Variants in RBFOX1 observed in about 807,000 individuals in gnomAD.
RBFOX1 encodes RNA binding protein fox-1 homolog 1.
RBFOX1 carries 8 observed loss-of-function variants against 57.7 expected under a neutral mutation model. That is an observed-to-expected ratio of 0.14 (90% CI 0.08 to 0.25). The LOEUF is 0.25. Ranked by LOEUF, RBFOX1 falls within the 10% of genes least tolerant of loss-of-function variation. The pLI is 1.00. For missense variants in RBFOX1, 611 were observed against 548.5 expected (o/e 1.11, Z -1.14); for synonymous variants, 326 against 222.4 (o/e 1.47, Z -4.15).
intron 3 of RBFOX1, among the ~76,000 whole-genome samples, chr16:6,916,730 G>A (rs571110749): frequency 6.6e-6 from 1 of 152,072 alleles, no homozygotes; most frequent in Non-Finnish European, 1.5e-5. Flanking sequence ...TCTTGCATAA[G>A]CTCGGATTAC....
At chr16:6,205,906 A>G (rs2097252508) in intron 1 of RBFOX1, among the ~76,000 whole-genome samples, 3 of 125,428 alleles carry the variant, frequency 2.4e-5, no homozygotes, top group African/African-American at 9.1e-5. Flanking sequence ...CGTACCTGGA[A>G]AACAGATGAT....
chr16:5,785,203 G>A (rs1403328449), intron 3 of RBFOX1, among the ~76,000 whole-genome samples: 4 of 152,174 alleles, frequency 2.6e-5, no homozygotes, highest in African/African-American at 9.7e-5. Context: ...TCTTTCCCCT[G>A]TTCTCTTCTC....
At chr16:5,688,190 A>G (rs2050561971) in intron 3 of RBFOX1, among the ~76,000 whole-genome samples, 1 of 152,244 alleles carries the variant, frequency 6.6e-6, no homozygotes, top group Non-Finnish European at 1.5e-5. Flanking sequence ...GGCTAAATTT[A>G]GATTACACCT....
chr16:7,541,427 C>T (rs546399421), intron 5 of RBFOX1, among the ~76,000 whole-genome samples: 6 of 152,100 alleles, frequency 3.9e-5, no homozygotes, highest in South Asian at 2.1e-4. Context: ...ACATCTTCTG[C>T]GTCAAAGGAT....
chr16:6,367,674 C>T (rs889726589), intron 2 of RBFOX1, among the ~76,000 whole-genome samples: 20 of 150,724 alleles, frequency 1.3e-4, no homozygotes, highest in Non-Finnish European at 1.5e-4. Flanking sequence ...GGGTGTTTTG[C>T]TTTCATAGGA....
intron 2 of RBFOX1, among the ~76,000 whole-genome samples, chr16:6,507,851 A>G (rs2096146135): frequency 6.6e-6 from 1 of 152,072 alleles, no homozygotes; most frequent in Non-Finnish European, 1.5e-5. Context: ...GTTTTGTTTT[A>G]ATGGGTAGAG....
intron 3 of RBFOX1, among the ~76,000 whole-genome samples, chr16:7,046,611 T>TG (rs1456082885): frequency 6.9e-6 from 1 of 144,304 alleles, no homozygotes; most frequent in Admixed American, 6.9e-5. Context: ...ATCTTTTTTT[T>TG]TTTTTTTTTT....
At chr16:6,042,817 G>A (rs1408943371) in intron 1 of RBFOX1, among the ~76,000 whole-genome samples, 1 of 152,096 alleles carries the variant, frequency 6.6e-6, no homozygotes, top group Non-Finnish European at 1.5e-5. Context: ...TTGAAATGGG[G>A]GTAAGTAGCC....
At chr16:6,482,579 C>T (rs2095388486) in intron 2 of RBFOX1, among the ~76,000 whole-genome samples, 1 of 152,206 alleles carries the variant, frequency 6.6e-6, no homozygotes, top group South Asian at 2.1e-4. Context: ...TAAATTTCAA[C>T]AGAGACGACA....
At chr16:6,609,008 A>G (rs73540152) in intron 2 of RBFOX1, among the ~76,000 whole-genome samples, 121 of 152,076 alleles carry the variant, frequency 8.0e-4, no homozygotes, top group African/African-American at 2.9e-3. Context: ...CCATCAGGTC[A>G]CTCTGACCTG....
chr16:7,029,510 T>G (rs1041842856), intron 3 of RBFOX1, among the ~76,000 whole-genome samples: 1 of 151,854 alleles, frequency 6.6e-6, no homozygotes. Flanking sequence ...TGAAGCAGAA[T>G]GAAGAGAGTG....
intron 13 of RBFOX1, among the ~76,000 whole-genome samples, chr16:7,674,032 C>T (rs970081541): frequency 1.3e-5 from 2 of 152,124 alleles, no homozygotes; most frequent in African/African-American, 4.8e-5. Context: ...AAAATTGATT[C>T]AAGTCACCTG....
At chr16:5,420,211 A>C (rs941134756) in intron 1 of RBFOX1, among the ~76,000 whole-genome samples, 3 of 152,222 alleles carry the variant, frequency 2.0e-5, no homozygotes, top group Non-Finnish European at 4.4e-5. Flanking sequence ...AATGAAGTAG[A>C]TTTAAACAAA....
chr16:7,010,838 A>C (rs920150121), intron 3 of RBFOX1, among the ~76,000 whole-genome samples: 8 of 152,104 alleles, frequency 5.3e-5, no homozygotes, highest in African/African-American at 1.9e-4. Context: ...CCGCCTCCCA[A>C]AGTGCTGGGA....
In RBFOX1 at chr16:5,591,389, C is replaced by G. The variant is rs533523164; in HGVS notation, c.259-7513C>G. On this transcript the variant is annotated intron_variant, in intron 2 of 2. Coordinates refer to the RBFOX1 transcript ENST00000585867. ...GCCTCAGCCTCCCTAGTAGCTGGGA[C>G]TACAGGCACCCACCACTGTGCTCGG... is the stretch of plus-strand genomic sequence containing the variant. 2.3e-3 allele frequency among the ~76,000 whole-genome samples: 356 copies of G among 151,938 alleles called. 3 individuals carry two copies. The highest frequency in any genetic ancestry group is 8.0e-3 in the African/African-American group (330 of 41,410).
intron 3 of RBFOX1, among the ~76,000 whole-genome samples, chr16:6,821,685 A>G (rs2091335494): frequency 6.6e-6 from 1 of 152,220 alleles, no homozygotes; most frequent in African/African-American, 2.4e-5. Flanking sequence ...TGTTTGCAAG[A>G]TTAATTCACA....
intron 1 of RBFOX1, among the ~76,000 whole-genome samples, chr16:5,344,866 T>G (rs2065106558): frequency 6.6e-6 from 1 of 152,248 alleles, no homozygotes; most frequent in Admixed American, 6.5e-5. Flanking sequence ...GATGATCTGA[T>G]GAAGGCATGT....
chr16:6,673,613 T>C (rs895594872), intron 3 of RBFOX1, among the ~76,000 whole-genome samples: 6 of 151,974 alleles, frequency 3.9e-5, no homozygotes, highest in East Asian at 1.9e-4. Context: ...CAAAAAAATA[T>C]ATAGATATGT....
chr16:6,461,397 G>C (rs1230890956), intron 2 of RBFOX1, among the ~76,000 whole-genome samples: 3 of 152,176 alleles, frequency 2.0e-5, no homozygotes, highest in Non-Finnish European at 2.9e-5. Context: ...GAGGGATTAA[G>C]ACTTCAACGT....
Sources: gnomAD v4.1 joint callset for allele counts (sites outside exome capture counted in the v4.1 genomes callset) on GRCh38, gnomAD v4.1.1 for gene constraint, MANE v1.5 for transcripts, NCBI Gene and HGNC (gene_info 2026-07-23, HGNC 2026-07-21) for gene names.